CCDC102A: variants seen among roughly 807,000 people sequenced by gnomAD.
The protein encoded by CCDC102A is coiled-coil domain-containing protein 102A.
A neutral mutation model predicts 55.5 loss-of-function variants in CCDC102A; 40 were observed. The observed-to-expected ratio is 0.72, with a 90% CI of 0.56 to 0.94. CCDC102A has a LOEUF of 0.94. CCDC102A is among the 40% of genes least tolerant of loss of function. CCDC102A has a pLI of 0.00. For synonymous variants in CCDC102A, 323 were observed against 339.0 expected (o/e 0.95, Z 0.52); for missense variants, 779 against 768.6 (o/e 1.01, Z -0.16).
Position 57,512,327 on chromosome 16 carries a change from T to C in CCDC102A, c.*414A>G. 1 of 398,612 alleles carries C rather than the reference T, an allele frequency of 2.5e-6. No homozygotes were observed. Among genetic ancestry groups the C allele is most frequent in the Non-Finnish European group, 4.4e-6 (1 of 226,160 alleles). 24.7% of individuals were successfully genotyped at this position (398,612 alleles called of 1,614,324 possible). A position where few individuals can be genotyped will look rare whatever the true frequency, so the allele number is the denominator to read the frequency against. On this transcript the variant is annotated 3_prime_UTR_variant, in exon 9 of 9. Coordinates refer to ENST00000258214, the MANE Select transcript of CCDC102A (RefSeq NM_033212.4). ...GAACTTGAACTTCATTTATTACAAA[T>C]AACTGGGTTCACTGCATTGTATGAT...
At chr16:57,515,501 G>A (rs2146697862) in intron 7 of CCDC102A, 57 bp from the exon 8 acceptor site, 2 of 1,159,004 alleles carry the variant, frequency 1.7e-6, no homozygotes, top group South Asian at 2.6e-5. Context: ...GGCAAGGCCG[G>A]CCACCCGCCC....
chr16:57,527,454 T>A (rs1471040735), intron 2 of CCDC102A, among the ~76,000 whole-genome samples: 3 of 147,332 alleles, frequency 2.0e-5, no homozygotes, highest in Non-Finnish European at 3.0e-5. Context: ...AGATTCACTC[T>A]CGTTGCCCAG....
At chr16:57,522,506 G>C (rs1407769672) in intron 3 of CCDC102A, among the ~76,000 whole-genome samples, 1 of 152,096 alleles carries the variant, frequency 6.6e-6, no homozygotes, top group Non-Finnish European at 1.5e-5. Context: ...CTGCCACCTC[G>C]AGCTCCCAAA....
chr16:57,528,616 A>T lies in CCDC102A; in HGVS notation c.562T>A (p.Ser188Thr). 7.8e-7 allele frequency: 1 copy of T among 1,278,042 alleles called. No homozygotes were observed. Among genetic ancestry groups the T allele is most frequent in the Non-Finnish European group, 9.9e-7 (1 of 1,005,260 alleles). 79.2% of individuals were successfully genotyped at this position (1,278,042 alleles called of 1,614,324 possible). A position where few individuals can be genotyped will look rare whatever the true frequency, so the allele number is the denominator to read the frequency against. Residue 188 changes from serine to threonine, a missense_variant, in exon 2 of 9, where the codon TCC becomes ACC. Ser to Thr is a moderately conservative substitution (Grantham distance 58). Transcript: ENST00000258214. ...ACCTGGCTGCCTGGCGGCCTCTCGG[A>T]CCCGACGTCACGCACTGGCTCGCGC... is the stretch of plus-strand genomic sequence containing the variant. ...AEREPVRDVG[S>T]ERPPGSQELE...
intron 1 of CCDC102A, among the ~76,000 whole-genome samples, chr16:57,535,732 T>G (rs572065465): frequency 2.6e-4 from 40 of 151,288 alleles, no homozygotes; most frequent in African/African-American, 7.8e-4. Context: ...CTGTGTGATA[T>G]CTGCAAGTCC....
At position 57,516,252 on chromosome 16, in the gene CCDC102A, G is replaced by A. The variant is rs778068208; in HGVS notation, c.1419+41C>T. 4 of 1,587,206 alleles carry A rather than the reference G, an allele frequency of 2.5e-6. No homozygotes were observed. The highest frequency in any genetic ancestry group is 2.2e-5 in the East Asian group (1 of 44,680). On this transcript the variant is annotated intron_variant, in intron 7 of 8. Coordinates refer to ENST00000258214, the MANE Select transcript of CCDC102A (RefSeq NM_033212.4). The surrounding 1 kb of genome is among the most constrained non-coding windows in gnomAD (Gnocchi z 4.4). ...GCCCTGCGGCCCCCACTCCTCCCTG[G>A]CCAAGGTCTGTTGCTGCCCCTGCCC...
rs1226034856 is a variant in CCDC102A at position 57,536,544 on chromosome 16, CG to C, written c.-193del. Reference sequence around the variant, plus strand: ...GCTCCGTACGTCCCAGCCGCTGCGGCGGGGTAGAGCGGGCACCGTGCAGCTG... The same window carrying C: ...GCTCCGTACGTCCCAGCCGCTGCGGCGGGTAGAGCGGGCACCGTGCAGCTG... On this transcript the variant is annotated 5_prime_UTR_variant, in exon 1 of 9. Transcript: ENST00000258214. 1 of 152,172 alleles carries C rather than the reference CG, an allele frequency of 6.6e-6. No homozygotes were observed. The highest frequency in any genetic ancestry group is 1.5e-5 in the Non-Finnish European group (1 of 68,008). The allele number at this position is 152,172 out of a possible 1,614,324, so 9.4% of individuals were successfully genotyped here.
intron 3 of CCDC102A, among the ~76,000 whole-genome samples, chr16:57,522,822 C>T (rs1316041723): frequency 6.6e-6 from 1 of 152,206 alleles, no homozygotes; most frequent in African/African-American, 2.4e-5. Context: ...TTCACCATTT[C>T]TTCTAGAGGA....
chr16:57,520,597 TAAAATAAAATAAATAAAATA>T (rs1211637108), intron 4 of CCDC102A, among the ~76,000 whole-genome samples: 4 of 105,724 alleles, frequency 3.8e-5, no homozygotes, highest in African/African-American at 1.7e-4. Context: ...ATAACATAAA[TAAAATAAAATAAATAAAATA>T]AAATAAAATA....
chr16:57,515,460 G>C lies in CCDC102A; in HGVS notation c.1420-16C>G. On this transcript the variant is annotated splice_polypyrimidine_tract_variant and intron_variant, in intron 7 of 8. Coordinates refer to ENST00000258214, the MANE Select transcript of CCDC102A (RefSeq NM_033212.4). The stretch of plus-strand genomic sequence containing the variant: ...CCTCGTCCAGCTGTGGGGGTGAGCA[G>C]GGCCGAAAGCACGAGGGTCACCCAG... 6.4e-7 allele frequency: 1 copy of C among 1,564,118 alleles called. No homozygotes were observed. Among genetic ancestry groups the C allele is most frequent in the South Asian group, 1.1e-5 (1 of 87,364 alleles).
intron 2 of CCDC102A, 131 bp from the exon 3 acceptor site, chr16:57,526,258 C>T: frequency 1.5e-6 from 1 of 648,126 alleles, no homozygotes; most frequent in Non-Finnish European, 2.6e-6. Context: ...CTGCTGCCTG[C>T]CTCTCCATCT....
chr16:57,512,602 A>G lies in CCDC102A; in HGVS notation c.*139T>C. On this transcript the variant is annotated 3_prime_UTR_variant, in exon 9 of 9. Transcript: ENST00000258214. The stretch of plus-strand genomic sequence containing the variant: ...GTTGGTAGGTGGGACTGTTGACGCC[A>G]TCCCTGGGAGAGAAGAAAGTCGGCT... The G allele has an allele frequency of 9.3e-7, 1 of 1,072,672 alleles. No homozygotes were observed. Among genetic ancestry groups the G allele is most frequent in the South Asian group, 1.6e-5 (1 of 61,322 alleles). 66.4% of individuals were successfully genotyped at this position (1,072,672 alleles called of 1,614,324 possible).
At chr16:57,518,518 C>A in intron 5 of CCDC102A, 107 bp downstream of exon 5, 1 of 975,636 alleles carries the variant, frequency 1.0e-6, no homozygotes, top group Middle Eastern at 3.0e-4. Flanking sequence ...GCTGGCCCCG[C>A]TCAGAGCACA....
chr16:57,512,628 G>A lies in CCDC102A; in HGVS notation c.*113C>T, dbSNP rs2031885058. ...TCCCTGGGAGAGAAGAAAGTCGGCT[G>A]TGGCAGGGACTGGTCCCAGAGTGAG... is the stretch of plus-strand genomic sequence containing the variant. On this transcript the variant is annotated 3_prime_UTR_variant, in exon 9 of 9. Transcript: ENST00000258214. 6.0e-6 allele frequency: 8 copies of A among 1,332,036 alleles called. No individual in the cohort carries two copies. Among genetic ancestry groups the A allele is most frequent in the Admixed American group, 2.4e-5 (1 of 42,250 alleles). 82.5% of individuals were successfully genotyped at this position (1,332,036 alleles called of 1,614,324 possible).
chr16:57,530,138 G>C (rs1269413102), intron 1 of CCDC102A, among the ~76,000 whole-genome samples: 1 of 152,170 alleles, frequency 6.6e-6, no homozygotes, highest in Admixed American at 6.5e-5. Flanking sequence ...GGGCTTCTGA[G>C]AGTGCAGCAG....
Position 57,528,608 on chromosome 16 carries a change from C to T in CCDC102A, c.570G>A (p.Arg190=). 2 of 1,269,122 alleles carry T rather than the reference C, an allele frequency of 1.6e-6. No homozygotes were observed. Among genetic ancestry groups the T allele is most frequent in the Admixed American group, 3.4e-5 (1 of 29,156 alleles). The allele number at this position is 1,269,122 out of a possible 1,614,324, so 78.6% of individuals were successfully genotyped here. A position where few individuals can be genotyped will look rare whatever the true frequency, so the allele number is the denominator to read the frequency against. The part of the protein sequence containing the change: ...REPVRDVGSE[R]PPGSQELELV... Reference sequence around the variant, plus strand: ...CGCCGCGCACCTGGCTGCCTGGCGGCCTCTCGGACCCGACGTCACGCACTG... The same window carrying T: ...CGCCGCGCACCTGGCTGCCTGGCGGTCTCTCGGACCCGACGTCACGCACTG... The change falls in exon 2 of 9, where the codon AGG becomes AGA. Residue 190 remains arginine (R), a synonymous_variant. Transcript: ENST00000258214.
intron 2 of CCDC102A, among the ~76,000 whole-genome samples, chr16:57,526,986 T>G (rs368914774): frequency 6.6e-6 from 1 of 152,200 alleles, no homozygotes. Flanking sequence ...CTAGGGCTCC[T>G]GCCACTGCCC....
chr16:57,519,232 G>C (rs1418770968), intron 4 of CCDC102A, among the ~76,000 whole-genome samples: 3 of 152,236 alleles, frequency 2.0e-5, no homozygotes, highest in Non-Finnish European at 4.4e-5. Flanking sequence ...CAGGGCCTTT[G>C]CACATGCGTG....
Position 57,521,055 on chromosome 16 carries a change from C to A in CCDC102A, c.921+13G>T. ...GCCGCCTCCAGGAAGACCCTCTGGT[C>A]TCCAAGACTCACCTGCTTGAGCATC... On this transcript the variant is annotated intron_variant, in intron 4 of 8. Coordinates refer to ENST00000258214, the MANE Select transcript of CCDC102A (RefSeq NM_033212.4). The A allele has an allele frequency of 6.3e-7, 1 of 1,598,982 alleles. No homozygotes were observed. The highest frequency in any genetic ancestry group is 2.2e-5 in the East Asian group (1 of 44,820).
Sources: gnomAD v4.1 joint callset for allele counts (sites outside exome capture counted in the v4.1 genomes callset) on GRCh38, gnomAD v4.1.1 for gene constraint, Gnocchi (gnomAD v3.1) non-coding constraint, MANE v1.5 for transcripts, NCBI Gene and HGNC (gene_info 2026-07-23, HGNC 2026-07-21) for gene names.